FMNL2: variants seen among roughly 807,000 people sequenced by gnomAD.
FMNL2 encodes formin-like protein 2.
In FMNL2, 51 loss-of-function variants were observed where a neutral mutation model predicts 130.2. That is an observed-to-expected ratio of 0.39 (90% CI 0.31 to 0.49). FMNL2 has a LOEUF of 0.49. FMNL2 is among the 20% of genes least tolerant of loss of function. FMNL2 has a pLI of 0.85. For synonymous variants in FMNL2, 465 were observed against 467.1 expected (o/e 1.00, Z 0.06); for missense variants, 977 against 1,316.2 (o/e 0.74, Z 3.99).
intron 1 of FMNL2, among the ~76,000 whole-genome samples, chr2:152,461,708 C>T (rs1269511189): frequency 6.6e-6 from 1 of 152,140 alleles, no homozygotes; most frequent in Non-Finnish European, 1.5e-5. Context: ...GACTTTTCTA[C>T]CTTTAATACT....
At chr2:152,643,743 C>T in intron 25 of FMNL2, 1 of 985,454 alleles carries the variant, frequency 1.0e-6, no homozygotes, top group Non-Finnish European at 1.2e-6. Context: ...CTGTAACAGT[C>T]TGGGTGTGTT....
At chr2:152,643,691 T>C in intron 25 of FMNL2, 1 of 1,434,180 alleles carries the variant, frequency 7.0e-7, no homozygotes, top group East Asian at 2.5e-5. Context: ...TTATTATTGC[T>C]CACTCACTGG....
chr2:152,592,230 A>T (rs1001350952), intron 9 of FMNL2, among the ~76,000 whole-genome samples: 1 of 152,228 alleles, frequency 6.6e-6, no homozygotes, highest in Non-Finnish European at 1.5e-5. Context: ...CACTAGGAGG[A>T]CAGTAATTTA....
chr2:152,546,132 A>T (rs1056471674), intron 3 of FMNL2, among the ~76,000 whole-genome samples: 2 of 152,122 alleles, frequency 1.3e-5, no homozygotes, highest in South Asian at 4.1e-4. Context: ...GCCTGATGGC[A>T]TACGTAAGGG....
chr2:152,371,381 G>T (rs1683865654), intron 1 of FMNL2, among the ~76,000 whole-genome samples: 2 of 151,994 alleles, frequency 1.3e-5, no homozygotes, highest in African/African-American at 4.8e-5. Context: ...ATGTCGAAAT[G>T]TAATCCCTGC....
chr2:152,499,305 T>C (rs1691680374), intron 1 of FMNL2, among the ~76,000 whole-genome samples: 1 of 152,216 alleles, frequency 6.6e-6, no homozygotes. Context: ...AGAATTTGCC[T>C]GGATGTGATG....
intron 21 of FMNL2, among the ~76,000 whole-genome samples, chr2:152,634,550 T>G (rs1476458288): frequency 6.6e-6 from 1 of 152,270 alleles, no homozygotes; most frequent in African/African-American, 2.4e-5. Context: ...AATCTGTGCT[T>G]CTAGATTCAA....
chr2:152,384,108 CTTTT>C (rs1249168547), intron 1 of FMNL2, among the ~76,000 whole-genome samples: 1 of 152,060 alleles, frequency 6.6e-6, no homozygotes, highest in Non-Finnish European at 1.5e-5. Context: ...GTATATTTAT[CTTTT>C]TAAGTTTTCG....
intron 1 of FMNL2, among the ~76,000 whole-genome samples, chr2:152,515,897 T>C (rs549665122): frequency 5.3e-4 from 80 of 152,320 alleles, no homozygotes; most frequent in African/African-American, 1.9e-3. Flanking sequence ...ACTGGCTTTT[T>C]CGACTGTGGG....
At chr2:152,540,567 C>G (rs1694253580) in intron 2 of FMNL2, among the ~76,000 whole-genome samples, 1 of 151,586 alleles carries the variant, frequency 6.6e-6, no homozygotes, top group Non-Finnish European at 1.5e-5. Flanking sequence ...ACCATTCCCC[C>G]TATTTTCAAG....
intron 2 of FMNL2, among the ~76,000 whole-genome samples, chr2:152,528,897 C>T (rs1693543238): frequency 6.6e-6 from 1 of 152,148 alleles, no homozygotes; most frequent in Non-Finnish European, 1.5e-5. Context: ...CATCTCTTTC[C>T]AGTCAAAGGG....
intron 1 of FMNL2, among the ~76,000 whole-genome samples, chr2:152,367,700 G>A (rs992594310): frequency 2.6e-5 from 4 of 152,178 alleles, no homozygotes; most frequent in South Asian, 2.1e-4. Flanking sequence ...GACTGAGCAC[G>A]TAGTCCAAAG....
intron 1 of FMNL2, among the ~76,000 whole-genome samples, chr2:152,460,232 G>C (rs1689166674): frequency 6.6e-6 from 1 of 152,154 alleles, no homozygotes; most frequent in Admixed American, 6.5e-5. Context: ...TAGGGACAAA[G>C]AATAGCATGT....
chr2:152,486,270 G>A (rs1165047536), intron 1 of FMNL2, among the ~76,000 whole-genome samples: 2 of 152,204 alleles, frequency 1.3e-5, no homozygotes, highest in East Asian at 3.8e-4. Flanking sequence ...GCATGCTTTT[G>A]TGTGTCACAA....
chr2:152,553,995 A>T (rs1206435918), intron 4 of FMNL2, among the ~76,000 whole-genome samples: 1 of 152,216 alleles, frequency 6.6e-6, no homozygotes, highest in East Asian at 1.9e-4. Flanking sequence ...GTCTTTTCAG[A>T]TAATTGGGAT....
intron 8 of FMNL2, among the ~76,000 whole-genome samples, chr2:152,579,883 A>G (rs995833707): frequency 6.6e-6 from 1 of 152,226 alleles, no homozygotes; most frequent in African/African-American, 2.4e-5. Flanking sequence ...CTGTACTTCA[A>G]ATGTGCAATT....
intron 11 of FMNL2, among the ~76,000 whole-genome samples, chr2:152,612,684 T>C (rs7591868): frequency 0.17 from 25,947 of 152,214 alleles, 2,544 homozygotes; most frequent in African/African-American, 0.25. Flanking sequence ...GGTGCAATCT[T>C]GGCTCACTGC....
chr2:152,588,205 A>C (rs959269075), intron 9 of FMNL2, among the ~76,000 whole-genome samples: 1 of 152,170 alleles, frequency 6.6e-6, no homozygotes, highest in Non-Finnish European at 1.5e-5. Flanking sequence ...TCCAGGAGAG[A>C]TTTCATTTCC....
intron 1 of FMNL2, among the ~76,000 whole-genome samples, chr2:152,369,439 G>A (rs747029860): frequency 7.0e-4 from 107 of 152,216 alleles, no homozygotes; most frequent in Non-Finnish European, 1.2e-3. Flanking sequence ...TTGACCTTAA[G>A]TATGGCTTTC....
Sources: gnomAD v4.1 joint callset for allele counts (sites outside exome capture counted in the v4.1 genomes callset) on GRCh38, gnomAD v4.1.1 for gene constraint, MANE v1.5 for transcripts, NCBI Gene and HGNC (gene_info 2026-07-23, HGNC 2026-07-21) for gene names.